The following SYT12 variants were observed in gnomAD, a reference collection of about 807,000 sequenced individuals.
The protein encoded by SYT12 is synaptotagmin 12, also known as synaptotagmin-12.
Under a neutral mutation model 39.5 loss-of-function variants are expected in SYT12, and 27 were observed. The observed-to-expected ratio is 0.68, with a 90% CI of 0.50 to 0.94. The LOEUF (loss-of-function observed/expected upper bound fraction) is 0.94, where lower values mean the gene tolerates loss of function less well. SYT12 is among the 40% of genes least tolerant of loss of function. The pLI, the probability that SYT12 is intolerant of heterozygous loss-of-function variation, is 0.00. For synonymous variants in SYT12, 233 were observed against 239.7 expected, an observed-to-expected ratio of 0.97 and a Z score of 0.26; for missense variants, 536 against 572.6, an observed-to-expected ratio of 0.94 and a Z score of 0.65.
intron 3 of SYT12, among the ~76,000 whole-genome samples, chr11:67,037,713 T>C (rs1397279831): frequency 1.3e-5 from 2 of 151,636 alleles, no homozygotes; most frequent in African/African-American, 2.4e-5. Context: ...AAATGCCGTC[T>C]CTACTAAAAA....
chr11:67,018,795 C>T (rs1950079629), upstream of SYT12, among the ~76,000 whole-genome samples: 1 of 152,008 alleles, frequency 6.6e-6, no homozygotes, highest in Non-Finnish European at 1.5e-5. Context: ...TGCACTCCAG[C>T]CTGGGCGACA....
At chr11:67,034,199 T>C (rs1337943143) in intron 2 of SYT12, among the ~76,000 whole-genome samples, 1 of 152,224 alleles carries the variant, frequency 6.6e-6, no homozygotes, top group Non-Finnish European at 1.5e-5. Context: ...CTCCCAACTT[T>C]CCAGCCCCTG....
intron 3 of SYT12, among the ~76,000 whole-genome samples, chr11:67,035,588 G>A (rs958543254): frequency 6.7e-6 from 1 of 150,300 alleles, no homozygotes; most frequent in African/African-American, 2.4e-5. Flanking sequence ...CTCCTGAGTA[G>A]CTGGGACTAC....
chr11:67,039,232 G>A (rs934281051), intron 3 of SYT12, among the ~76,000 whole-genome samples: 1 of 151,120 alleles, frequency 6.6e-6, no homozygotes, highest in Non-Finnish European at 1.5e-5. Flanking sequence ...GAACCTGGGA[G>A]GGGGAGGTTG....
At chr11:67,047,941 C>T (rs1854612870) in intron 7 of SYT12, among the ~76,000 whole-genome samples, 1 of 150,344 alleles carries the variant, frequency 6.7e-6, no homozygotes, top group African/African-American at 2.4e-5. Flanking sequence ...GTGCCCGCCA[C>T]CAGGCCGGGC....
chr11:67,021,289 G>T (rs188742803), upstream of SYT12, among the ~76,000 whole-genome samples: 28 of 151,874 alleles, frequency 1.8e-4, no homozygotes, highest in South Asian at 3.7e-3. Flanking sequence ...CAGCTCCCCA[G>T]TGTGACACCA....
At chr11:67,014,755 G>C (rs1441826120) in intron 3 of SYT12, among the ~76,000 whole-genome samples, 1 of 152,086 alleles carries the variant, frequency 6.6e-6, no homozygotes, top group Non-Finnish European at 1.5e-5. Context: ...AACCCAGAGG[G>C]GCCTAGGTGC....
chr11:67,014,681 G>A (rs118011160), intron 3 of SYT12, among the ~76,000 whole-genome samples: 7,560 of 152,212 alleles, frequency 0.05, 273 homozygotes, highest in Non-Finnish European at 0.081. Context: ...GGGGTAGCAG[G>A]CAGGCCCCAA....
In SYT12 at chr11:67,032,375, A is replaced by G. The variant is rs1950285430; in HGVS notation, c.34+2197A>G. 1.3e-5 allele frequency: 2 copies of G among 152,340 alleles called. 1 individual carries two copies. The highest frequency in any genetic ancestry group is 4.1e-4 in the South Asian group (2 of 4,826). The allele number at this position is 152,340 out of a possible 1,614,324, so 9.4% of individuals were successfully genotyped here. A position where few individuals can be genotyped will look rare whatever the true frequency, so the allele number is the denominator to read the frequency against. On this transcript the variant is annotated intron_variant, in intron 2 of 7. Transcript: ENST00000527043. ...ACAGCCTCGATGACTCATCCCAGAC[A>G]CAAAACCTGTTGGGATTTTCCCTTT...
chr11:67,035,216 T>C (rs145183935), intron 3 of SYT12, among the ~76,000 whole-genome samples: 6,872 of 151,088 alleles, frequency 0.045, 196 homozygotes, highest in Non-Finnish European at 0.069. Flanking sequence ...ACCATGTTGG[T>C]CAGGCTGGTG....
At chr11:67,047,799 TTTTTTTG>T in intron 7 of SYT12, among the ~76,000 whole-genome samples, 1 of 122,262 alleles carries the variant, frequency 8.2e-6, no homozygotes, top group Admixed American at 7.7e-5. Flanking sequence ...TTTTTTTTTT[TTTTTTTG>T]AGACGGAGTC....
chr11:67,034,654 G>C lies in SYT12; in HGVS notation c.44G>C (p.Ser15Thr), dbSNP rs1361415116. 1 of 1,592,660 alleles carries C rather than the reference G, an allele frequency of 6.3e-7. No individual in the cohort carries two copies. The highest frequency in any genetic ancestry group is 1.4e-5 in the African/African-American group (1 of 73,438). Residue 15 changes from serine to threonine, a missense_variant, in exon 3 of 8, where the codon AGC (serine) becomes ACC (threonine). Physicochemically the swap from Ser to Thr is moderately conservative, Grantham distance 58 (BLOSUM62 1). Coordinates refer to ENST00000527043, the MANE Select transcript of SYT12 (RefSeq NM_177963.4). ...TGCCCTTGCCTTGCAGTCATCAAGA[G>C]CCCCCCTGGCTGGGAGGTGGGTGTC... The part of the protein sequence containing the change: ...VAEYHLSVIK[S>T]PPGWEVGVYA...
At chr11:67,014,177 G>C (rs1011257509) in intron 3 of SYT12, among the ~76,000 whole-genome samples, 4 of 152,212 alleles carry the variant, frequency 2.6e-5, no homozygotes, top group Non-Finnish European at 5.9e-5. Flanking sequence ...TTTCAAAAAA[G>C]ATGACATTCG....
At chr11:67,046,918 T>A (rs1854570670) in intron 7 of SYT12, among the ~76,000 whole-genome samples, 1 of 152,218 alleles carries the variant, frequency 6.6e-6, no homozygotes, top group Non-Finnish European at 1.5e-5. Context: ...GGTGCCGTTC[T>A]ACACAGTTCA....
intron 4 of SYT12, among the ~76,000 whole-genome samples, chr11:67,040,473 G>T (rs1950490347): frequency 6.6e-6 from 1 of 152,188 alleles, no homozygotes; most frequent in Admixed American, 6.6e-5. Flanking sequence ...GTCCACATCT[G>T]CCCTGTGTCA....
Position 67,048,847 on chromosome 11 carries a change from G to A in SYT12, c.*90G>A. 1 of 1,447,098 alleles carries A rather than the reference G, an allele frequency of 6.9e-7. No homozygotes were observed. The highest frequency in any genetic ancestry group is 9.3e-7 in the Non-Finnish European group (1 of 1,075,956). 89.6% of individuals were successfully genotyped at this position (1,447,098 alleles called of 1,614,324 possible). ...ATGCCCTCTCCATAGCCCAGCTGGA[G>A]CCGTGAACACTGGGGTCCCCTGGCA... On this transcript the variant is annotated 3_prime_UTR_variant, in exon 8 of 8. Coordinates refer to ENST00000527043, the MANE Select transcript of SYT12 (RefSeq NM_177963.4).
intron 3 of SYT12, among the ~76,000 whole-genome samples, chr11:67,014,765 C>T (rs1950040365): frequency 6.6e-6 from 1 of 152,110 alleles, no homozygotes; most frequent in Admixed American, 6.5e-5. Flanking sequence ...GGCCTAGGTG[C>T]CCTGGCTGGC....
chr11:67,006,796 A>G (rs1949973808), exon 1 of SYT12: 1 of 152,092 alleles, frequency 6.6e-6, no homozygotes, highest in Admixed American at 6.6e-5. Context: ...AGAAAATGTT[A>G]ATTGGGGGAG....
In SYT12 at chr11:67,049,873, G is replaced by A. The variant is rs1435754809; in HGVS notation, c.*1116G>A. On this transcript the variant is annotated 3_prime_UTR_variant, in exon 8 of 8. Coordinates refer to ENST00000527043, the MANE Select transcript of SYT12 (RefSeq NM_177963.4). Reference sequence around the variant, plus strand: ...CTGAATGCCAGGCTAGGAAGGAGGCGGCTCTCGATCACGGGGTGGGTGCCC... The same window carrying A: ...CTGAATGCCAGGCTAGGAAGGAGGCAGCTCTCGATCACGGGGTGGGTGCCC... 3.3e-5 allele frequency: 5 copies of A among 152,226 alleles called. No individual in the cohort carries two copies. Among genetic ancestry groups the A allele is most frequent in the South Asian group, 4.1e-4 (2 of 4,826 alleles). The allele number at this position is 152,226 out of a possible 1,614,324, so 9.4% of individuals were successfully genotyped here.
Sources: gnomAD v4.1 joint callset for allele counts (sites outside exome capture counted in the v4.1 genomes callset) on GRCh38, gnomAD v4.1.1 for gene constraint, MANE v1.5 for transcripts, NCBI Gene and HGNC (gene_info 2026-07-23, HGNC 2026-07-21) for gene names.